Variants in KCNMA1 observed in about 807,000 individuals in gnomAD.
KCNMA1 encodes the protein Calcium-activated potassium channel subunit alpha-1.
A neutral mutation model predicts 140.0 loss-of-function variants in KCNMA1; 29 were observed. The observed-to-expected ratio is 0.21, with a 90% CI of 0.15 to 0.28. The LOEUF (loss-of-function observed/expected upper bound fraction) is 0.28, where lower values mean the gene tolerates loss of function less well. Ranked by LOEUF, KCNMA1 falls within the 10% of genes least tolerant of loss-of-function variation. KCNMA1 has a pLI of 1.00. For missense variants in KCNMA1, 880 were observed against 1,602.2 expected (o/e 0.55, Z 7.70); for synonymous variants, 612 against 611.9 (o/e 1.00, Z 0.00).
chr10:77,097,969 C>G (rs544907194), intron 9 of KCNMA1, among the ~76,000 whole-genome samples: 2 of 152,326 alleles, frequency 1.3e-5, no homozygotes, highest in African/African-American at 4.8e-5. Context: ...GGTCAGAGGA[C>G]AGACAACTGG....
chr10:77,161,642 G>A (rs1329872191), intron 5 of KCNMA1, among the ~76,000 whole-genome samples: 1 of 152,202 alleles, frequency 6.6e-6, no homozygotes, highest in Non-Finnish European at 1.5e-5. Context: ...ATCCTATTAA[G>A]CTGAATTCAG....
At chr10:77,150,942 T>G (rs1458028897) in intron 5 of KCNMA1, among the ~76,000 whole-genome samples, 1 of 152,164 alleles carries the variant, frequency 6.6e-6, no homozygotes, top group East Asian at 1.9e-4. Context: ...TAGATAACCC[T>G]TAATATCCCA....
rs921512565 is a variant in KCNMA1, at chr10:77,374,277, C to G, written c.540+29585G>C. Among the ~76,000 whole-genome samples, 3 of 152,052 alleles carry G rather than the reference C, an allele frequency of 2.0e-5. No homozygotes were observed. In the East Asian group the frequency reaches 5.8e-4, roughly 30 times the overall value. On this transcript the variant is annotated intron_variant, in intron 2 of 27. Transcript: ENST00000286628. ...CCCTTCCCGAACATGTGGGCCTGAG[C>G]TAATTTAAGCTAGTCTGAGCTCACT...
chr10:76,972,180 C>T (rs2076286236), intron 19 of KCNMA1, among the ~76,000 whole-genome samples: 1 of 152,120 alleles, frequency 6.6e-6, no homozygotes, highest in Admixed American at 6.5e-5. Context: ...TGTGTGAGTG[C>T]ATGTGAGTCA....
At chr10:77,405,554 G>A (rs2154469171) in intron 1 of KCNMA1, among the ~76,000 whole-genome samples, 1 of 152,226 alleles carries the variant, frequency 6.6e-6, no homozygotes, top group African/African-American at 2.4e-5. Context: ...TTTAGTATAA[G>A]TATATTCCAA....
At chr10:77,308,672 G>C (rs1165077523) in intron 2 of KCNMA1, among the ~76,000 whole-genome samples, 1 of 152,150 alleles carries the variant, frequency 6.6e-6, no homozygotes, top group East Asian at 1.9e-4. Flanking sequence ...GCAGCATGAG[G>C]GATCACTCAT....
intron 1 of KCNMA1, among the ~76,000 whole-genome samples, chr10:77,452,334 G>T (rs2097678424): frequency 6.6e-6 from 1 of 152,176 alleles, no homozygotes; most frequent in Non-Finnish European, 1.5e-5. Flanking sequence ...CCCAAAACAT[G>T]GCTGACATCC....
chr10:76,950,568 C>T (rs1191487082), intron 21 of KCNMA1, among the ~76,000 whole-genome samples: 1 of 152,224 alleles, frequency 6.6e-6, no homozygotes. Context: ...CATTCCTGTC[C>T]ACCCACTGCA....
intron 2 of KCNMA1, among the ~76,000 whole-genome samples, chr10:77,268,778 A>G (rs1237678327): frequency 6.6e-6 from 1 of 152,190 alleles, no homozygotes; most frequent in Non-Finnish European, 1.5e-5. Flanking sequence ...TACTTTTCTC[A>G]GGAAAACTTA....
chr10:77,230,610 G>A (rs504374), intron 3 of KCNMA1, among the ~76,000 whole-genome samples: 131,379 of 152,198 alleles, frequency 0.86, 57,086 homozygotes, highest in East Asian at 0.98. Context: ...GGGGTTAGAA[G>A]TCAACCCTCT....
chr10:77,248,531 A>T (rs2059059373), intron 3 of KCNMA1, among the ~76,000 whole-genome samples: 2 of 152,176 alleles, frequency 1.3e-5, no homozygotes, highest in South Asian at 2.1e-4. Context: ...CTTTTTTTCC[A>T]GGGTGATGAT....
At chr10:77,001,713 G>A in intron 18 of KCNMA1, 133 bp from the exon 19 acceptor site, 3 of 678,372 alleles carry the variant, frequency 4.4e-6, no homozygotes, top group Admixed American at 3.0e-5. Flanking sequence ...TCTTGACCCA[G>A]AAAAAAATGC....
Position 77,251,177 on chromosome 10 carries a change from GT to G in KCNMA1, c.602+17del. The G allele has an allele frequency of 6.3e-7, 1 of 1,579,778 alleles. No individual in the cohort carries two copies. Among genetic ancestry groups the G allele is most frequent in the South Asian group, 1.1e-5 (1 of 90,342 alleles). The stretch of plus-strand genomic sequence containing the variant: ...TTGTTTATGAAACGAGGGCAAGAAA[GT>G]ATATTTGAATACTCACTTTGATGAA... On this transcript the variant is annotated intron_variant, in intron 3 of 27. Transcript: ENST00000286628.
At chr10:76,921,494 A>G (rs1000849544) in intron 23 of KCNMA1, among the ~76,000 whole-genome samples, 1 of 152,232 alleles carries the variant, frequency 6.6e-6, no homozygotes, top group Non-Finnish European at 1.5e-5. Flanking sequence ...TGAAACATAA[A>G]TTATCCAAAT....
intron 19 of KCNMA1, among the ~76,000 whole-genome samples, chr10:76,990,743 A>T (rs777981685): frequency 3.9e-5 from 6 of 152,178 alleles, no homozygotes; most frequent in Non-Finnish European, 8.8e-5. Context: ...TCAGTTGGAT[A>T]CGTTACAGGC....
At position 77,463,064 on chromosome 10, in the gene KCNMA1, C is replaced by A. The variant is rs137938470; in HGVS notation, c.379-59041G>T. Among the ~76,000 whole-genome samples the A allele has an allele frequency of 6.7e-3, 1,021 of 152,254 alleles. 5 individuals are homozygous for A. Among genetic ancestry groups the A allele is most frequent in the Middle Eastern group, 0.024 (7 of 294 alleles). Reference sequence around the variant, plus strand: ...ACCACTGACTAAAGTGGTCCTGGCCCCATTCTCCCAGCATGTAGGTTTTCT... The same window carrying A: ...ACCACTGACTAAAGTGGTCCTGGCCACATTCTCCCAGCATGTAGGTTTTCT... On this transcript the variant is annotated intron_variant, in intron 1 of 27. Transcript: ENST00000286628.
chr10:76,896,683 C>T (rs577491009), intron 25 of KCNMA1, among the ~76,000 whole-genome samples: 2 of 152,140 alleles, frequency 1.3e-5, no homozygotes, highest in African/African-American at 4.8e-5. Flanking sequence ...TATAAAATAT[C>T]CAGAAAAGGC....
At chr10:77,397,649 G>C (rs1053274280) in intron 2 of KCNMA1, among the ~76,000 whole-genome samples, 5 of 152,168 alleles carry the variant, frequency 3.3e-5, no homozygotes, top group African/African-American at 1.2e-4. Context: ...AGGAGTATGA[G>C]TGCAGTTTTG....
intron 19 of KCNMA1, among the ~76,000 whole-genome samples, chr10:76,976,409 G>T (rs1249518983): frequency 6.6e-6 from 1 of 152,134 alleles, no homozygotes; most frequent in African/African-American, 2.4e-5. Flanking sequence ...AGTAATGAAA[G>T]AATTCAGCTC....
Sources: gnomAD v4.1 joint callset for allele counts (sites outside exome capture counted in the v4.1 genomes callset) on GRCh38, gnomAD v4.1.1 for gene constraint, MANE v1.5 for transcripts, NCBI Gene and HGNC (gene_info 2026-07-23, HGNC 2026-07-21) for gene names.